CEP112: variants seen among roughly 807,000 people sequenced by gnomAD.
The protein encoded by CEP112 is centrosomal protein of 112 kDa.
In CEP112, 127 loss-of-function variants were observed where a neutral mutation model predicts 153.0. That is an observed-to-expected ratio of 0.83 (90% confidence interval 0.72 to 0.96). CEP112 has a LOEUF of 0.96. Among genes scored for constraint, CEP112 ranks in the 40% least tolerant of loss-of-function variants. The probability of loss-of-function intolerance (pLI) is 0.00; values close to 1 mark genes in which losing one functional copy is unlikely to be tolerated. For synonymous variants in CEP112, 358 were observed against 374.4 expected (o/e 0.96, Z 0.51); for missense variants, 1,089 against 1,101.2 (o/e 0.99, Z 0.16).
rs778854719 is a variant in CEP112, at chr17:66,094,329, A to G, written c.768+1922T>C. ...CCCACCTCAGCCTCCCAAAGTGCTC[A>G]ATTACAGGCGTGAGCCACCATGCTT... On this transcript the variant is annotated intron_variant, in intron 8 of 26. Transcript: ENST00000535342. Among the ~76,000 whole-genome samples the G allele has an allele frequency of 1.6e-4, 25 of 152,226 alleles. No homozygotes were observed. The South Asian group carries it at 3.1e-3, about 19-fold the overall frequency.
At chr17:65,955,429 A>G (rs140655889) in intron 18 of CEP112, among the ~76,000 whole-genome samples, 73 of 152,282 alleles carry the variant, frequency 4.8e-4, no homozygotes, top group African/African-American at 1.7e-3. Flanking sequence ...CTATATAACA[A>G]TAACATAATT....
chr17:65,961,008 C>T (rs1294959302), intron 18 of CEP112, among the ~76,000 whole-genome samples: 2 of 118,566 alleles, frequency 1.7e-5, no homozygotes, highest in African/African-American at 5.5e-5. Context: ...TCTTTAAAAA[C>T]TAAAAAAAAA....
chr17:65,650,813 C>T (rs985717026), intron 24 of CEP112, among the ~76,000 whole-genome samples: 2 of 151,118 alleles, frequency 1.3e-5, no homozygotes, highest in African/African-American at 4.9e-5. Flanking sequence ...GAGGCTGACG[C>T]AGGAGAATCG....
At chr17:66,056,147 C>T (rs1197266778) in intron 11 of CEP112, among the ~76,000 whole-genome samples, 1 of 152,134 alleles carries the variant, frequency 6.6e-6, no homozygotes, top group African/African-American at 2.4e-5. Flanking sequence ...AATTTTTACC[C>T]AGAGTTTGAT....
intron 20 of CEP112, among the ~76,000 whole-genome samples, chr17:65,857,936 A>T (rs2058180211): frequency 6.6e-6 from 1 of 152,222 alleles, no homozygotes; most frequent in Non-Finnish European, 1.5e-5. Context: ...TTATAGGATG[A>T]TTCACATTTT....
chr17:65,985,393 T>C (rs2063369900), intron 17 of CEP112, among the ~76,000 whole-genome samples: 1 of 152,118 alleles, frequency 6.6e-6, no homozygotes, highest in Non-Finnish European at 1.5e-5. Context: ...CCAGAAACAA[T>C]ATTTTGGCCT....
intron 4 of CEP112, among the ~76,000 whole-genome samples, chr17:66,147,846 T>C (rs2070989211): frequency 6.6e-6 from 1 of 152,232 alleles, no homozygotes; most frequent in Admixed American, 6.5e-5. Context: ...TCTGGGCTAT[T>C]GTATTCCATT....
At chr17:65,701,765 C>A (rs2048643053) in intron 23 of CEP112, among the ~76,000 whole-genome samples, 2 of 152,192 alleles carry the variant, frequency 1.3e-5, no homozygotes, top group African/African-American at 4.8e-5. Context: ...ACCTGTCCTG[C>A]TGATCAATGA....
intron 17 of CEP112, among the ~76,000 whole-genome samples, chr17:65,977,494 C>T (rs2063078515): frequency 1.3e-5 from 2 of 152,214 alleles, no homozygotes; most frequent in African/African-American, 2.4e-5. Context: ...GCTCTTTGTA[C>T]CTCAGAACAA....
chr17:66,048,982 T>A (rs2066330529), intron 12 of CEP112, among the ~76,000 whole-genome samples: 1 of 152,224 alleles, frequency 6.6e-6, no homozygotes, highest in South Asian at 2.1e-4. Context: ...CAAAAGACCA[T>A]CTTTCCCTCC....
rs1257178550 is a variant in CEP112 at position 66,191,311 on chromosome 17, C to A, written c.-9+686G>T. 6.6e-6 allele frequency among the ~76,000 whole-genome samples: 1 copy of A among 152,126 alleles called. No individual in the cohort carries two copies. Among genetic ancestry groups the A allele is most frequent in the African/African-American group, 2.4e-5 (1 of 41,416 alleles). On this transcript the variant is annotated intron_variant, in intron 1 of 26. Transcript: ENST00000535342. The surrounding 1 kb of genome is among the most constrained non-coding windows in gnomAD (Gnocchi z 4.2). ...GGAGAGGCTCATGGAATTTAATGTGCCTTTTCTATCTTATTTTGACTCATC... is the reference window on the plus strand; with the variant it reads ...GGAGAGGCTCATGGAATTTAATGTGACTTTTCTATCTTATTTTGACTCATC...
intron 20 of CEP112, among the ~76,000 whole-genome samples, chr17:65,878,179 C>T (rs1267578937): frequency 2.0e-5 from 3 of 151,208 alleles, no homozygotes; most frequent in Admixed American, 2.0e-4. Context: ...TAGATCTTAC[C>T]TGTTCTCATT....
intron 20 of CEP112, among the ~76,000 whole-genome samples, chr17:65,881,399 C>CA (rs1278783382): frequency 7.7e-6 from 1 of 130,672 alleles, no homozygotes; most frequent in Non-Finnish European, 1.8e-5. Flanking sequence ...AAGCAGAAAA[C>CA]AGGTGTGTGT....
At chr17:66,018,086 TC>T in intron 16 of CEP112, among the ~76,000 whole-genome samples, 1 of 152,254 alleles carries the variant, frequency 6.6e-6, no homozygotes, top group South Asian at 2.1e-4. Context: ...TTCCACCCCT[TC>T]CTTTTTAATG....
At chr17:65,968,348 T>C (rs2062490810) in intron 17 of CEP112, among the ~76,000 whole-genome samples, 1 of 152,156 alleles carries the variant, frequency 6.6e-6, no homozygotes, top group African/African-American at 2.4e-5. Context: ...TCAAAGTAAC[T>C]GGAAAATATT....
chr17:65,927,264 G>A (rs934567380), intron 19 of CEP112, among the ~76,000 whole-genome samples: 2 of 152,056 alleles, frequency 1.3e-5, no homozygotes, highest in African/African-American at 2.4e-5. Context: ...CAGAAACAGA[G>A]GCCACTATGC....
At chr17:65,749,699 G>A (rs1478122819) in intron 22 of CEP112, among the ~76,000 whole-genome samples, 1 of 147,324 alleles carries the variant, frequency 6.8e-6, no homozygotes, top group African/African-American at 2.5e-5. Context: ...ACCAGTAATA[G>A]TTCCTAATTC....
At chr17:65,952,484 T>C (rs2061868278) in intron 18 of CEP112, among the ~76,000 whole-genome samples, 1 of 152,122 alleles carries the variant, frequency 6.6e-6, no homozygotes, top group Admixed American at 6.5e-5. Flanking sequence ...TATTTCATTG[T>C]ACATACCACA....
intron 6 of CEP112, among the ~76,000 whole-genome samples, chr17:66,112,134 T>C (rs2069080964): frequency 6.6e-6 from 1 of 150,956 alleles, no homozygotes; most frequent in African/African-American, 2.4e-5. Context: ...CTACCGAAAA[T>C]ACAAAAATTA....
Sources: allele counts gnomAD v4.1 joint callset (sites outside exome capture counted in the v4.1 genomes callset), GRCh38; gene constraint gnomAD v4.1.1; non-coding constraint Gnocchi (gnomAD v3.1); transcripts MANE v1.5; gene names NCBI Gene and HGNC (gene_info 2026-07-23, HGNC 2026-07-21).